NRG1: variants seen among roughly 807,000 people sequenced by gnomAD.
The protein encoded by NRG1 is neuregulin 1.
In NRG1, 18 loss-of-function variants were observed where a neutral mutation model predicts 63.8. The observed-to-expected ratio is 0.28, with a 90% CI of 0.19 to 0.42. The LOEUF (loss-of-function observed/expected upper bound fraction) is 0.42, where lower values mean the gene tolerates loss of function less well. NRG1 is among the 10% of genes least tolerant of loss of function. The pLI, the probability that NRG1 is intolerant of heterozygous loss-of-function variation, is 1.00. For synonymous variants in NRG1, 302 were observed against 301.3 expected (o/e 1.00, Z -0.02); for missense variants, 762 against 814.7 (o/e 0.94, Z 0.79).
At chr8:31,794,502 C>T (rs1015885467) in intron 1 of NRG1, among the ~76,000 whole-genome samples, 2 of 150,740 alleles carry the variant, frequency 1.3e-5, no homozygotes, top group Non-Finnish European at 2.9e-5. Context: ...TGGATGACTG[C>T]CACAACATAA....
rs765888406 is a variant in NRG1 at position 31,675,392 on chromosome 8, G to C, written c.37+35961G>C. 8.7e-4 allele frequency among the ~76,000 whole-genome samples: 133 copies of C among 152,292 alleles called. 1 individual carries two copies. The highest frequency in any genetic ancestry group is 1.6e-3 in the Admixed American group (25 of 15,294). Reference sequence around the variant, plus strand: ...GTTTTGTCATAAGAACATACTGGCTGCAGTGTCCATAGGCAAAGATGAAGC... The same window carrying C: ...GTTTTGTCATAAGAACATACTGGCTCCAGTGTCCATAGGCAAAGATGAAGC... On this transcript the variant is annotated intron_variant, in intron 1 of 10. Transcript: ENST00000519301.
At chr8:31,978,687 A>G (rs1019417985) in intron 1 of NRG1, among the ~76,000 whole-genome samples, 2 of 152,132 alleles carry the variant, frequency 1.3e-5, no homozygotes, top group Non-Finnish European at 2.9e-5. Context: ...GGAAAATACT[A>G]ATAAGCAAAT....
chr8:31,732,030 C>T (rs1296613148), intron 1 of NRG1, among the ~76,000 whole-genome samples: 1 of 152,132 alleles, frequency 6.6e-6, no homozygotes, highest in Non-Finnish European at 1.5e-5. Context: ...TTCCTCTCAG[C>T]ACAGATACCA....
At chr8:31,763,504 A>G (rs918988486) in intron 1 of NRG1, among the ~76,000 whole-genome samples, 3 of 152,216 alleles carry the variant, frequency 2.0e-5, no homozygotes, top group Non-Finnish European at 4.4e-5. Flanking sequence ...TTCCATGTTT[A>G]AAAACTTTCA....
At chr8:31,757,192 C>T (rs1426326750) in intron 1 of NRG1, among the ~76,000 whole-genome samples, 1 of 151,932 alleles carries the variant, frequency 6.6e-6, no homozygotes, top group East Asian at 1.9e-4. Context: ...CACACATTTT[C>T]TCCCTCTTAT....
chr8:32,595,902 A>G (rs1468926264), exon 2 of NRG1: 2 of 1,613,898 alleles, frequency 1.2e-6, no homozygotes, highest in Admixed American at 1.7e-5. Flanking sequence ...TCGGTGTGAA[A>G]CCAGTTCTGA....
At chr8:31,854,597 G>T (rs1827642068) in intron 1 of NRG1, among the ~76,000 whole-genome samples, 1 of 151,902 alleles carries the variant, frequency 6.6e-6, no homozygotes, top group East Asian at 1.9e-4. Context: ...AGGGTTTTTT[G>T]TGTCTCTATT....
intron 1 of NRG1, among the ~76,000 whole-genome samples, chr8:32,348,242 G>GT (rs1053542944): frequency 2.0e-5 from 3 of 151,990 alleles, no homozygotes; most frequent in African/African-American, 7.2e-5. Flanking sequence ...CCCCTTCTGT[G>GT]TTTTTTTGTT....
chr8:32,700,259 A>C (rs1286008530), intron 5 of NRG1, among the ~76,000 whole-genome samples: 3 of 152,162 alleles, frequency 2.0e-5, no homozygotes, highest in African/African-American at 2.4e-5. Context: ...TTTTCTTTTC[A>C]CTTTTAATGA....
intron 1 of NRG1, among the ~76,000 whole-genome samples, chr8:31,809,911 A>T (rs1167730367): frequency 2.7e-5 from 4 of 150,728 alleles, no homozygotes; most frequent in Non-Finnish European, 5.9e-5. Context: ...CATGAATCCA[A>T]CTGCTATTCA....
chr8:32,759,571 GGC>G, intron 10 of NRG1, 135 bp downstream of exon 10: 2 of 1,096,822 alleles, frequency 1.8e-6, no homozygotes, highest in South Asian at 3.5e-5. Context: ...AAAATCAACT[GGC>G]TTTGCCCTTA....
At chr8:32,114,542 C>T (rs1235438623) in intron 1 of NRG1, among the ~76,000 whole-genome samples, 1 of 152,172 alleles carries the variant, frequency 6.6e-6, no homozygotes, top group Non-Finnish European at 1.5e-5. Flanking sequence ...GAGCCCACAG[C>T]CACCCCAGCT....
intron 1 of NRG1, among the ~76,000 whole-genome samples, chr8:32,433,626 T>A (rs16879375): frequency 0.022 from 3,364 of 152,222 alleles, 124 homozygotes; most frequent in African/African-American, 0.076. Flanking sequence ...GTGTAGCAGA[T>A]AAGTAGGAAA....
At chr8:32,751,688 G>A (rs377755066) in intron 7 of NRG1, among the ~76,000 whole-genome samples, 11 of 152,114 alleles carry the variant, frequency 7.2e-5, no homozygotes, top group Non-Finnish European at 1.5e-4. Flanking sequence ...ATGGGCCTTC[G>A]CTTGAATCAG....
At chr8:32,436,969 CAA>C (rs980501747) in intron 1 of NRG1, among the ~76,000 whole-genome samples, 9 of 151,994 alleles carry the variant, frequency 5.9e-5, no homozygotes, top group African/African-American at 1.7e-4. Context: ...ATCCCCATTA[CAA>C]CTCTCCCAAT....
intron 1 of NRG1, among the ~76,000 whole-genome samples, chr8:31,927,550 G>T (rs1039727422): frequency 1.1e-4 from 15 of 138,072 alleles, no homozygotes; most frequent in African/African-American, 4.0e-4. Flanking sequence ...CGGGGTTCAC[G>T]CCATTCTCCT....
chr8:32,314,470 T>C (rs1447399437), intron 1 of NRG1, among the ~76,000 whole-genome samples: 3 of 152,198 alleles, frequency 2.0e-5, no homozygotes, highest in African/African-American at 7.2e-5. Context: ...GACGTGCTAT[T>C]ACCCTCCTCG....
intron 1 of NRG1, among the ~76,000 whole-genome samples, chr8:31,929,523 G>T (rs1221797708): frequency 6.6e-6 from 1 of 151,790 alleles, no homozygotes; most frequent in Non-Finnish European, 1.5e-5. Context: ...ACACACACAT[G>T]TCTATGTAAT....
intron 5 of NRG1, among the ~76,000 whole-genome samples, chr8:32,638,075 T>A (rs1310498550): frequency 6.6e-6 from 1 of 152,246 alleles, no homozygotes; most frequent in Non-Finnish European, 1.5e-5. Flanking sequence ...AGCTTTCCTT[T>A]GTAGAAATTA....
Sources: allele counts gnomAD v4.1 joint callset (sites outside exome capture counted in the v4.1 genomes callset), GRCh38; gene constraint gnomAD v4.1.1; transcripts MANE v1.5; gene names NCBI Gene and HGNC (gene_info 2026-07-23, HGNC 2026-07-21).